The following LMBR1 variants were observed in gnomAD, a reference collection of about 807,000 sequenced individuals.
The protein encoded by LMBR1 is limb development membrane protein 1, also known as limb region 1 protein homolog.
In LMBR1, 52 loss-of-function variants were observed where a neutral mutation model predicts 73.9. The ratio of observed to expected loss-of-function variants is 0.70; its 90% CI spans 0.56 to 0.89. The LOEUF (loss-of-function observed/expected upper bound fraction) is 0.89. Among genes scored for constraint, LMBR1 ranks in the 40% least tolerant of loss-of-function variants. The probability of loss-of-function intolerance (pLI) is 0.00; values close to 1 mark genes in which losing one functional copy is unlikely to be tolerated. For synonymous variants in LMBR1, 215 were observed against 209.4 expected (o/e 1.03, Z -0.23); for missense variants, 539 against 579.8 (o/e 0.93, Z 0.72).
downstream of LMBR1, chr7:156,675,771 T>G: frequency 6.2e-7 from 1 of 1,614,014 alleles, no homozygotes; most frequent in South Asian, 1.1e-5. Context: ...AATCGATCAG[T>G]GCTTGGCCAT....
Position 156,679,965 on chromosome 7 carries a change from C to T in LMBR1, c.*4113G>A, listed in dbSNP as rs2131817673. 6.6e-6 allele frequency: 1 copy of T among 152,150 alleles called. No individual in the cohort carries two copies. Among genetic ancestry groups the T allele is most frequent in the African/African-American group, 2.4e-5 (1 of 41,492 alleles). The allele number at this position is 152,150 out of a possible 1,614,324, so 9.4% of individuals were successfully genotyped here. On this transcript the variant is annotated 3_prime_UTR_variant, in exon 17 of 17. Transcript: ENST00000353442. The stretch of plus-strand genomic sequence containing the variant: ...TCTCTTGAAAAGGTAAGTTTATTGC[C>T]TAATATTCCTTCAAGACATATGGAT...
chr7:156,757,962 T>C (rs1225729579), intron 8 of LMBR1, among the ~76,000 whole-genome samples: 1 of 151,992 alleles, frequency 6.6e-6, no homozygotes, highest in Non-Finnish European at 1.5e-5. Flanking sequence ...TAATCAACAG[T>C]AATAAACAAA....
chr7:156,738,935 A>T (rs1309795003), intron 9 of LMBR1, among the ~76,000 whole-genome samples: 1 of 152,162 alleles, frequency 6.6e-6, no homozygotes, highest in Admixed American at 6.5e-5. Context: ...CTTCTGCTTG[A>T]GAAAAGCAGA....
At chr7:156,734,627 C>T (rs1229123622) in intron 9 of LMBR1, among the ~76,000 whole-genome samples, 1 of 152,162 alleles carries the variant, frequency 6.6e-6, no homozygotes, top group Non-Finnish European at 1.5e-5. Context: ...ACCAGTACCA[C>T]AAAACCTATT....
chr7:156,683,975 A>T lies in LMBR1; in HGVS notation c.*103T>A. On this transcript the variant is annotated 3_prime_UTR_variant, in exon 17 of 17. Coordinates refer to ENST00000353442, the MANE Select transcript of LMBR1 (RefSeq NM_022458.4). ...ATGGCACTGATAGGTCTAGGTTCTG[A>T]AGAGGGGCCACGGTTGAATGGAAAT... 1.1e-6 allele frequency: 1 copy of T among 920,692 alleles called. No homozygotes were observed. Among genetic ancestry groups the T allele is most frequent in the Non-Finnish European group, 1.7e-6 (1 of 577,534 alleles). The allele number at this position is 920,692 out of a possible 1,614,324, so 57.0% of individuals were successfully genotyped here. A position where few individuals can be genotyped will look rare whatever the true frequency, so the allele number is the denominator to read the frequency against.
At chr7:156,710,227 C>CTGTATCAAGGAGCTTGTA (rs1811803385) in intron 15 of LMBR1, among the ~76,000 whole-genome samples, 1 of 151,778 alleles carries the variant, frequency 6.6e-6, no homozygotes, top group Non-Finnish European at 1.5e-5. Context: ...TATTAAGCTA[C>CTGTATCAAGGAGCTTGTA]TCAAGGAGAT....
chr7:156,792,981 G>A (rs182595841), intron 5 of LMBR1, among the ~76,000 whole-genome samples: 10 of 151,986 alleles, frequency 6.6e-5, no homozygotes, highest in African/African-American at 1.4e-4. Flanking sequence ...AAATTAGTGC[G>A]CTGAATCTAC....
At chr7:156,808,202 G>A (rs12533966) in intron 4 of LMBR1, among the ~76,000 whole-genome samples, 5,982 of 152,138 alleles carry the variant, frequency 0.039, 170 homozygotes, top group Non-Finnish European at 0.048. Flanking sequence ...TGAAAGAAGG[G>A]TGTTGAAATA....
intron 4 of LMBR1, among the ~76,000 whole-genome samples, chr7:156,797,569 C>T (rs147110425): frequency 5.4e-4 from 83 of 152,330 alleles, no homozygotes; most frequent in African/African-American, 1.9e-3. Context: ...CGCTGCAGAG[C>T]TGCATGCAGA....
intron 4 of LMBR1, among the ~76,000 whole-genome samples, chr7:156,814,481 T>C (rs559053327): frequency 1.3e-5 from 2 of 152,342 alleles, no homozygotes; most frequent in Non-Finnish European, 2.9e-5. Context: ...GCAAGGCTTC[T>C]TAAAACACCA....
chr7:156,888,712 G>A (rs921755056), intron 1 of LMBR1, among the ~76,000 whole-genome samples: 1 of 152,102 alleles, frequency 6.6e-6, no homozygotes, highest in African/African-American at 2.4e-5. Flanking sequence ...GAGGCCAGGA[G>A]TTCAAGAACA....
intron 3 of LMBR1, among the ~76,000 whole-genome samples, chr7:156,831,605 G>T (rs1253721802): frequency 1.2e-4 from 18 of 152,010 alleles, no homozygotes; most frequent in Admixed American, 1.1e-3. Flanking sequence ...CCTTCAGGAA[G>T]AGGATTTCTG....
chr7:156,816,822 A>G (rs1206491010), intron 4 of LMBR1, among the ~76,000 whole-genome samples: 1 of 152,182 alleles, frequency 6.6e-6, no homozygotes, highest in East Asian at 1.9e-4. Flanking sequence ...ACATACACAC[A>G]TACATATTCC....
intron 1 of LMBR1, among the ~76,000 whole-genome samples, chr7:156,874,515 C>T (rs979675285): frequency 3.9e-5 from 6 of 152,214 alleles, no homozygotes; most frequent in Admixed American, 6.5e-5. Context: ...GCAGGGGAGG[C>T]GCCAAGAGCA....
chr7:156,784,534 C>A (rs1359591753), intron 5 of LMBR1, among the ~76,000 whole-genome samples: 1 of 152,194 alleles, frequency 6.6e-6, no homozygotes, highest in Non-Finnish European at 1.5e-5. Context: ...CAGCACCCTG[C>A]TTCTGTCTGT....
intron 15 of LMBR1, among the ~76,000 whole-genome samples, chr7:156,717,551 G>A (rs12536981): frequency 0.035 from 5,385 of 152,180 alleles, 141 homozygotes; most frequent in Non-Finnish European, 0.045. Context: ...GATGTGGGGG[G>A]TGAAATTACA....
chr7:156,840,833 C>T lies in LMBR1; in HGVS notation c.67-3948G>A, dbSNP rs1248140609. On this transcript the variant is annotated intron_variant, in intron 1 of 16. Coordinates refer to ENST00000353442, the MANE Select transcript of LMBR1 (RefSeq NM_022458.4). ...AAAAAAAATTAGCCGGGCGTCGTGGCGGGCGTCTGTAGTCCTAGCTACTCG... is the reference window on the plus strand; with the variant it reads ...AAAAAAAATTAGCCGGGCGTCGTGGTGGGCGTCTGTAGTCCTAGCTACTCG... Among the ~76,000 whole-genome samples the T allele has an allele frequency of 4.0e-5, 6 of 150,344 alleles. No homozygotes were observed. In the East Asian group the frequency reaches 9.8e-4, roughly 25 times the overall value.
chr7:156,819,594 C>G (rs1467853142), intron 4 of LMBR1, among the ~76,000 whole-genome samples: 2 of 152,144 alleles, frequency 1.3e-5, no homozygotes, highest in African/African-American at 4.8e-5. Context: ...ATAAATGTCA[C>G]AAAACTGTAA....
chr7:156,860,827 C>G (rs1256088986), intron 1 of LMBR1, among the ~76,000 whole-genome samples: 4 of 152,238 alleles, frequency 2.6e-5, no homozygotes, highest in African/African-American at 9.6e-5. Flanking sequence ...AAAATGGTCT[C>G]CTTTGACACC....
Sources: allele counts gnomAD v4.1 joint callset (sites outside exome capture counted in the v4.1 genomes callset), GRCh38; gene constraint gnomAD v4.1.1; transcripts MANE v1.5; gene names NCBI Gene and HGNC (gene_info 2026-07-23, HGNC 2026-07-21).